The following FLT4 variants were observed in gnomAD, a reference collection of about 807,000 sequenced individuals.
FLT4 encodes the protein fms related receptor tyrosine kinase 4.
Under a neutral mutation model 163.2 loss-of-function variants are expected in FLT4, and 30 were observed. That is an observed-to-expected ratio of 0.18 (90% CI 0.14 to 0.25). FLT4 has a LOEUF of 0.25. Ranked by LOEUF, FLT4 falls within the 10% of genes least tolerant of loss-of-function variation. FLT4 has a pLI of 1.00. For synonymous variants in FLT4, 884 were observed against 789.5 expected (o/e 1.12, Z -2.01); for missense variants, 1,510 against 1,863.8 (o/e 0.81, Z 3.50).
chr5:180,616,611 C>T (rs1762711060), intron 22 of FLT4, 122 bp from the exon 23 acceptor site: 11 of 1,108,354 alleles, frequency 9.9e-6, no homozygotes, highest in Non-Finnish European at 1.5e-5. Context: ...GAACTGTGCT[C>T]CTTTGGGGAA....
intron 24 of FLT4, chr5:180,613,484 C>G (rs1015330917): frequency 3.7e-6 from 1 of 268,464 alleles, no homozygotes; most frequent in South Asian, 6.2e-5. Context: ...GCTGCTCCCC[C>G]CAACCCCTGC....
rs1333378342 is a variant in FLT4 at position 180,623,068 on chromosome 5, T to C, written c.1549-229A>G. 2.0e-5 allele frequency among the ~76,000 whole-genome samples: 3 copies of C among 152,106 alleles called. No homozygotes were observed. Among genetic ancestry groups the C allele is most frequent in the Admixed American group, 1.3e-4 (2 of 15,282 alleles). ...TGCCCAGAAAAGTCAAGGGACAGTG[T>C]ATGGACTGCTGGCCTAGGCTGCAGT... is the stretch of plus-strand genomic sequence containing the variant. On this transcript the variant is annotated intron_variant, in intron 11 of 29. Coordinates refer to ENST00000261937, the MANE Select transcript of FLT4 (RefSeq NM_182925.5). The surrounding 1 kb of genome is among the most constrained non-coding windows in gnomAD (Gnocchi z 5.8).
rs201756397 is a variant in FLT4, at chr5:180,620,186, C to G, written c.2529G>C (p.Glu843Asp). Residue 843 changes from glutamate (E) to aspartate (D), a missense_variant, in exon 17 of 30, where the codon GAG becomes GAC. Around this residue, in one of 5 missense-constraint regions of FLT4, gnomAD observed 878 missense variants for 1,016.7 expected, o/e 0.86. Transcript: ENST00000261937. This position sits in a 1 kb window ranked among gnomAD's most constrained non-coding sequence, Gnocchi z 4.4. ...TGCTGGCCTCACCCAGGTGCAGCCGCTCTCGGGGGAATTCCCACTGGCTGG... is the reference window on the plus strand; with the variant it reads ...TGCTGGCCTCACCCAGGTGCAGCCGGTCTCGGGGGAATTCCCACTGGCTGG... Reference protein sequence around the residue: ...YDASQWEFPRERLHLGRVLGY... With the variant: ...YDASQWEFPRDRLHLGRVLGY... The G allele has an allele frequency of 6.2e-7, 1 of 1,608,118 alleles. No homozygotes were observed. The highest frequency in any genetic ancestry group is 8.5e-7 in the Non-Finnish European group (1 of 1,179,760).
intron 1 of FLT4, among the ~76,000 whole-genome samples, chr5:180,637,711 T>C (rs1167692904): frequency 6.6e-6 from 1 of 152,180 alleles, no homozygotes; most frequent in Middle Eastern, 3.2e-3. Flanking sequence ...TTTGTATCTT[T>C]AGTAGACGGG....
Position 180,624,054 on chromosome 5 carries a change from G to T in FLT4, c.1429C>A (p.Arg477=), listed in dbSNP as rs777308792. 1 of 1,611,926 alleles carries T rather than the reference G, an allele frequency of 6.2e-7. No individual in the cohort carries two copies. Residue 477 remains arginine, a synonymous_variant, in exon 11 of 30, where the codon CGG becomes AGG. Transcript: ENST00000261937. The part of the protein sequence containing the change: ...KMFAQRSLRR[R]QQQDLMPQCR... ...TGTGGCATGAGGTCTTGCTGCTGCC[G>T]CCGCCGGCTGCCAGGACCAGAAGAG...
intron 23 of FLT4, among the ~76,000 whole-genome samples, chr5:180,614,517 C>T (rs1294404651): frequency 6.6e-6 from 1 of 152,110 alleles, no homozygotes; most frequent in Non-Finnish European, 1.5e-5. Flanking sequence ...ATGAAACGCA[C>T]CCCTGCACAC....
At chr5:180,638,252 ACCCGCAGTCTACGTTT>A (rs1228008583) in intron 1 of FLT4, among the ~76,000 whole-genome samples, 1 of 152,122 alleles carries the variant, frequency 6.6e-6, no homozygotes, top group African/African-American at 2.4e-5. Flanking sequence ...CCCACAGACA[ACCCGCAGTCTACGTTT>A]CCGATGCTAA....
chr5:180,613,326 A>G, intron 24 of FLT4: 1 of 512,208 alleles, frequency 2.0e-6, no homozygotes, highest in East Asian at 3.1e-5. Context: ...TGGTTAAAAG[A>G]GGACTGTGCC....
Position 180,625,905 on chromosome 5 carries a change from G to A in FLT4, c.1385C>T (p.Pro462Leu). The change falls in exon 10 of 30, where the codon CCC becomes CTC. Residue 462 changes from proline to leucine, a missense_variant. Physicochemically the swap from Pro to Leu is moderately conservative, Grantham distance 98. Around this residue, in one of 5 missense-constraint regions of FLT4, gnomAD observed 878 missense variants for 1,016.7 expected, o/e 0.86. Transcript: ENST00000261937. ...LPLSIQWHWR[P>L]WTPCKMFAQR... ...GGCAAACATCTTGCAGGGTGTCCAG[G>A]GCCGCCAGTGCCACTGGATGCTGAG... The A allele has an allele frequency of 6.2e-7, 1 of 1,612,296 alleles. No individual in the cohort carries two copies. The highest frequency in any genetic ancestry group is 8.5e-7 in the Non-Finnish European group (1 of 1,179,944).
In FLT4 at chr5:180,630,410, T is replaced by A; in HGVS notation, c.401-73A>T. On this transcript the variant is annotated intron_variant, in intron 3 of 29. Coordinates refer to ENST00000261937, the MANE Select transcript of FLT4 (RefSeq NM_182925.5). This position sits in a 1 kb window ranked among gnomAD's most constrained non-coding sequence, Gnocchi z 6.3. Reference sequence around the variant, plus strand: ...TGGGGGAGGGCTCCACGGGGCTGGGTGGTGCTGGTCCTGAACCAGCCACCC... The same window carrying A: ...TGGGGGAGGGCTCCACGGGGCTGGGAGGTGCTGGTCCTGAACCAGCCACCC... The A allele has an allele frequency of 6.4e-7, 1 of 1,551,480 alleles. No individual in the cohort carries two copies. Among genetic ancestry groups the A allele is most frequent in the Non-Finnish European group, 8.8e-7 (1 of 1,137,178 alleles).
In FLT4 at chr5:180,621,570, G is replaced by A. The variant is rs770994502; in HGVS notation, c.1992C>T (p.His664=). The A allele has an allele frequency of 8.7e-6, 14 of 1,612,130 alleles. 1 individual carries two copies. The South Asian group carries it at 1.1e-4, about 13-fold the overall frequency. Residue 664 remains histidine (H), a synonymous_variant, in exon 13 of 30, where the codon CAC becomes CAT. Transcript: ENST00000261937. ...EVQDRRSHDK[H]CHKKYLSVQA... The stretch of plus-strand genomic sequence containing the variant: ...GCACCGACAGGTACTTCTTGTGGCA[G>A]TGCTTGTCATGGCTGCGCCGGTCTT...
chr5:180,633,851 C>G lies in FLT4; in HGVS notation c.59-2073G>C, dbSNP rs550462463. Among the ~76,000 whole-genome samples the G allele has an allele frequency of 3.3e-5, 5 of 152,234 alleles. No homozygotes were observed. In the South Asian group the frequency reaches 8.3e-4, roughly 25 times the overall value. On this transcript the variant is annotated intron_variant, in intron 1 of 29. Transcript: ENST00000261937. ...TAGCGGGAGGTCAGGAGACCAGGCT[C>G]GAGGCCAGTGTCCACCTGCCCAGCC...
chr5:180,615,667 C>T (rs1690605), intron 23 of FLT4, among the ~76,000 whole-genome samples: 16 of 28,230 alleles, frequency 5.7e-4, no homozygotes, highest in South Asian at 4.1e-3. Flanking sequence ...CACTTCCTTT[C>T]GGAGCACTGG....
At chr5:180,646,736 C>G (rs1765513047) in intron 1 of FLT4, among the ~76,000 whole-genome samples, 1 of 152,164 alleles carries the variant, frequency 6.6e-6, no homozygotes, top group Non-Finnish European at 1.5e-5. Context: ...CGAACAGGCA[C>G]TATGCTGGGG....
rs911285724 is a variant in FLT4 at position 180,601,601 on chromosome 5, A to T, written c.*1591T>A. On this transcript the variant is annotated 3_prime_UTR_variant, in exon 30 of 30. Coordinates refer to ENST00000261937, the MANE Select transcript of FLT4 (RefSeq NM_182925.5). ...AGAACATGGTCTAGAAGGGCATAGTAGTTTTTTTCCCGGTACATGCGTGGG... is the reference window on the plus strand; with the variant it reads ...AGAACATGGTCTAGAAGGGCATAGTTGTTTTTTTCCCGGTACATGCGTGGG... 2.1e-5 allele frequency: 5 copies of T among 233,114 alleles called. No homozygotes were observed. The allele number at this position is 233,114 out of a possible 1,614,324, so 14.4% of individuals were successfully genotyped here.
At chr5:180,647,096 C>T (rs1194771684) in intron 1 of FLT4, among the ~76,000 whole-genome samples, 1 of 152,212 alleles carries the variant, frequency 6.6e-6, no homozygotes, top group Non-Finnish European at 1.5e-5. Context: ...ACCCAGGTCA[C>T]AGCAAGGGCA....
At chr5:180,648,803 C>T (rs1454744547) in intron 1 of FLT4, among the ~76,000 whole-genome samples, 1 of 152,212 alleles carries the variant, frequency 6.6e-6, no homozygotes, top group African/African-American at 2.4e-5. Flanking sequence ...CCTCAGCTGG[C>T]CTTCGAGGCC....
intron 1 of FLT4, among the ~76,000 whole-genome samples, chr5:180,637,366 T>C (rs75644343): frequency 0.058 from 8,468 of 146,658 alleles, 735 homozygotes; most frequent in East Asian, 0.46. Flanking sequence ...AAAGAAAAAC[T>C]CCCCATCTTC....
chr5:180,639,546 T>C (rs1233734690), intron 1 of FLT4, among the ~76,000 whole-genome samples: 1 of 150,392 alleles, frequency 6.6e-6, no homozygotes, highest in Non-Finnish European at 1.5e-5. Flanking sequence ...AAGGTGGGCA[T>C]ATGGGTGAAG....
Sources: allele counts gnomAD v4.1 joint callset (sites outside exome capture counted in the v4.1 genomes callset), GRCh38; gene constraint gnomAD v4.1.1; regional missense constraint gnomAD v4.1.1; non-coding constraint Gnocchi (gnomAD v3.1); transcripts MANE v1.5; gene names NCBI Gene and HGNC (gene_info 2026-07-23, HGNC 2026-07-21).